ATP13A3: variants seen among roughly 807,000 people sequenced by gnomAD.
ATP13A3 encodes polyamine-transporting ATPase 13A3.
Under a neutral mutation model 158.1 loss-of-function variants are expected in ATP13A3, and 59 were observed. The ratio of observed to expected loss-of-function variants is 0.37; its 90% CI spans 0.30 to 0.46. The LOEUF (loss-of-function observed/expected upper bound fraction) is 0.46. Among genes scored for constraint, ATP13A3 ranks in the 20% least tolerant of loss-of-function variants. ATP13A3 has a pLI of 1.00. For missense variants in ATP13A3, 1,166 were observed against 1,525.2 expected (o/e 0.76, Z 3.92); for synonymous variants, 491 against 504.3 (o/e 0.97, Z 0.35).
intron 30 of ATP13A3, among the ~76,000 whole-genome samples, chr3:194,423,896 C>A (rs1233628252): frequency 1.4e-5 from 2 of 144,494 alleles, no homozygotes; most frequent in African/African-American, 5.2e-5. Context: ...CTTGATAGAG[C>A]TGTCTTGCTT....
At chr3:194,427,616 T>C (rs1344941276) in intron 28 of ATP13A3, among the ~76,000 whole-genome samples, 2 of 149,288 alleles carry the variant, frequency 1.3e-5, no homozygotes, top group African/African-American at 2.5e-5. Context: ...ATGGGCAACA[T>C]AGTGAAACCC....
In ATP13A3 at chr3:194,404,375, T is replaced by C. The variant is rs941185976; in HGVS notation, c.*1544A>G. The C allele has an allele frequency of 4.7e-6, 1 of 214,682 alleles. No individual in the cohort carries two copies. The highest frequency in any genetic ancestry group is 2.4e-5 in the African/African-American group (1 of 41,966). 13.3% of individuals were successfully genotyped at this position (214,682 alleles called of 1,614,324 possible). ...AAACATCATCCAGGTCTTTGCAGCATAAAGAGTGAGAACCATTTGGTCCTA... is the reference window on the plus strand; with the variant it reads ...AAACATCATCCAGGTCTTTGCAGCACAAAGAGTGAGAACCATTTGGTCCTA... On this transcript the variant is annotated 3_prime_UTR_variant, in exon 34 of 34. Coordinates refer to ENST00000645319, the MANE Select transcript of ATP13A3 (RefSeq NM_001367549.1).
At chr3:194,419,254 T>C (rs1716114240) in intron 31 of ATP13A3, among the ~76,000 whole-genome samples, 1 of 152,124 alleles carries the variant, frequency 6.6e-6, no homozygotes, top group African/African-American at 2.4e-5. Context: ...CAAACATATA[T>C]GGTAAGTATA....
chr3:194,479,018 C>T (rs1720641314), intron 2 of ATP13A3, among the ~76,000 whole-genome samples: 1 of 152,154 alleles, frequency 6.6e-6, no homozygotes, highest in Admixed American at 6.6e-5. Flanking sequence ...ACTACAATAA[C>T]TTATCATTGC....
At chr3:194,484,784 G>A (rs916544398) in intron 2 of ATP13A3, among the ~76,000 whole-genome samples, 2 of 152,112 alleles carry the variant, frequency 1.3e-5, no homozygotes, top group East Asian at 1.9e-4. Flanking sequence ...CGCCAAGCTC[G>A]GTGGCTAGCG....
At chr3:194,409,001 C>T (rs1412683731) in intron 33 of ATP13A3, among the ~76,000 whole-genome samples, 8 of 152,144 alleles carry the variant, frequency 5.3e-5, no homozygotes, top group African/African-American at 9.7e-5. Flanking sequence ...AAAACCTCTA[C>T]GGCACAAGTC....
chr3:194,468,098 G>A (rs1720102536), intron 2 of ATP13A3: 2 of 152,208 alleles, frequency 1.3e-5, no homozygotes, highest in Admixed American at 1.3e-4. Context: ...AAATATTTCT[G>A]TTTCGGTTCT....
At chr3:194,447,794 T>G in intron 13 of ATP13A3, 58 bp downstream of exon 13, 1 of 1,437,054 alleles carries the variant, frequency 7.0e-7, no homozygotes, top group South Asian at 1.3e-5. Context: ...AAATCCTCAA[T>G]AGCTGCATAT....
At chr3:194,415,586 C>T (rs1385619065) in intron 31 of ATP13A3, among the ~76,000 whole-genome samples, 1 of 151,598 alleles carries the variant, frequency 6.6e-6, no homozygotes, top group Non-Finnish European at 1.5e-5. Flanking sequence ...CCAAGCAATT[C>T]CACTTTTGCA....
intron 14 of ATP13A3, among the ~76,000 whole-genome samples, chr3:194,445,844 G>A (rs1167778660): frequency 3.3e-5 from 5 of 152,140 alleles, no homozygotes; most frequent in Non-Finnish European, 7.4e-5. Flanking sequence ...TCCAGCTCAG[G>A]AAAGGAGAAA....
intron 2 of ATP13A3, among the ~76,000 whole-genome samples, chr3:194,469,932 T>G (rs186551778): frequency 6.6e-6 from 1 of 152,344 alleles, no homozygotes; most frequent in Admixed American, 6.5e-5. Context: ...AATTTCAATT[T>G]TAATACCTAT....
At chr3:194,418,019 C>T (rs910816630) in intron 31 of ATP13A3, among the ~76,000 whole-genome samples, 9 of 66,384 alleles carry the variant, frequency 1.4e-4, no homozygotes, top group African/African-American at 4.8e-4. Flanking sequence ...AGAGGGGAGG[C>T]GGGGGAGGAA....
At chr3:194,421,414 G>GT (rs995584898) in intron 30 of ATP13A3, among the ~76,000 whole-genome samples, 3 of 149,994 alleles carry the variant, frequency 2.0e-5, no homozygotes, top group African/African-American at 7.4e-5. Flanking sequence ...TTAGCCAGGC[G>GT]TGGTGGCGGG....
chr3:194,463,412 GTTAC>G (rs1430443316), intron 2 of ATP13A3, among the ~76,000 whole-genome samples: 1 of 150,768 alleles, frequency 6.6e-6, no homozygotes, highest in Non-Finnish European at 1.5e-5. Flanking sequence ...TTCCAAAAAT[GTTAC>G]TTAAAATATA....
intron 2 of ATP13A3, among the ~76,000 whole-genome samples, chr3:194,483,536 G>A (rs1422629967): frequency 6.6e-6 from 1 of 152,074 alleles, no homozygotes; most frequent in Admixed American, 6.6e-5. Context: ...GCTGCAGTGA[G>A]CCATGACAGA....
chr3:194,460,777 C>G lies in ATP13A3; in HGVS notation c.106G>C (p.Val36Leu). Residue 36 changes from valine (V) to leucine (L), a missense_variant, in exon 4 of 34, where the codon GTG becomes CTG. Val to Leu is a conservative substitution (Grantham distance 32). Coordinates refer to ENST00000645319, the MANE Select transcript of ATP13A3 (RefSeq NM_001367549.1). Reference protein sequence around the residue: ...RWKLAIVSLGVICSGGFLLLL... With the variant: ...RWKLAIVSLGLICSGGFLLLL... ...AGGAGAAACCCACCAGAGCAAATCA[C>G]TCCTAAAGAAACTATGGCAAGCTTC... is the stretch of plus-strand genomic sequence containing the variant. 1 of 1,614,136 alleles carries G rather than the reference C, an allele frequency of 6.2e-7. No homozygotes were observed.
intron 15 of ATP13A3, 27 bp downstream of exon 15, chr3:194,444,698 A>C (rs1408396447): frequency 6.5e-7 from 1 of 1,542,502 alleles, no homozygotes; most frequent in East Asian, 2.3e-5. Context: ...ATAAACTAAT[A>C]AACTATCAAG....
At chr3:194,490,137 C>T (rs1422162266), upstream of ATP13A3, among the ~76,000 whole-genome samples, 1 of 152,206 alleles carries the variant, frequency 6.6e-6, no homozygotes, top group African/African-American at 2.4e-5. This position sits in a 1 kb window ranked among gnomAD's most constrained non-coding sequence, Gnocchi z 4.4. Context: ...CCTTCCCTCT[C>T]ACTGTCCCCT....
chr3:194,450,191 A>G lies in ATP13A3; in HGVS notation c.924T>C (p.Ala308=), dbSNP rs1231700031. 1 of 1,613,942 alleles carries G rather than the reference A, an allele frequency of 6.2e-7. No individual in the cohort carries two copies. The highest frequency in any genetic ancestry group is 8.5e-7 in the Non-Finnish European group (1 of 1,179,930). The change falls in exon 11 of 34, where the codon GCT becomes GCC. Residue 308 remains alanine (A), a synonymous_variant. Coordinates refer to ENST00000645319, the MANE Select transcript of ATP13A3 (RefSeq NM_001367549.1). ...PLNGTIMPCD[A]VLINGTCIVN... is the part of the protein sequence containing the mutation. Reference sequence around the variant, plus strand: ...CAATGCAGGTACCATTAATAAGCACAGCATCACAAGGCATTATTGTCCCAT... The same window carrying G: ...CAATGCAGGTACCATTAATAAGCACGGCATCACAAGGCATTATTGTCCCAT...
Sources: gnomAD v4.1 joint callset for allele counts (sites outside exome capture counted in the v4.1 genomes callset) on GRCh38, gnomAD v4.1.1 for gene constraint, Gnocchi (gnomAD v3.1) non-coding constraint, MANE v1.5 for transcripts, NCBI Gene and HGNC (gene_info 2026-07-23, HGNC 2026-07-21) for gene names.